The following EIF4E2 variants were observed in gnomAD, a reference collection of about 807,000 sequenced individuals.
EIF4E2 encodes eukaryotic translation initiation factor 4E family member 2.
In EIF4E2, 13 loss-of-function variants were observed where a neutral mutation model predicts 34.2. The ratio of observed to expected loss-of-function variants is 0.38; its 90% CI spans 0.25 to 0.60. EIF4E2 has a LOEUF of 0.60. EIF4E2 is among the 20% of genes least tolerant of loss of function. The pLI is 0.62. For synonymous variants in EIF4E2, 100 were observed against 106.6 expected (o/e 0.94, Z 0.38); for missense variants, 222 against 315.1 (o/e 0.70, Z 2.24).
chr2:232,570,588 CT>C (rs538705950), downstream of EIF4E2, among the ~76,000 whole-genome samples: 1 of 152,198 alleles, frequency 6.6e-6, no homozygotes, highest in Non-Finnish European at 1.5e-5. Context: ...TCTTCTATTC[CT>C]TGTGGCTCTT....
chr2:232,575,767 A>G (rs1693196559), intron 6 of EIF4E2, among the ~76,000 whole-genome samples: 1 of 152,244 alleles, frequency 6.6e-6, no homozygotes, highest in Non-Finnish European at 1.5e-5. Flanking sequence ...TTGAAATAAG[A>G]TATTAAGTTA....
At chr2:232,559,437 G>GAA (rs576075217) in intron 3 of EIF4E2, among the ~76,000 whole-genome samples, 1 of 119,094 alleles carries the variant, frequency 8.4e-6, no homozygotes, top group Non-Finnish European at 1.9e-5. Context: ...GCTTTGGTTT[G>GAA]AAAAAAATAA....
At chr2:232,575,586 C>A (rs12617363) in intron 6 of EIF4E2, among the ~76,000 whole-genome samples, 32,664 of 151,972 alleles carry the variant, frequency 0.21, 4,335 homozygotes, top group East Asian at 0.35. Context: ...TATAGTAAGA[C>A]CCTTGTTTCT....
chr2:232,575,885 T>G (rs2106255884), intron 6 of EIF4E2, among the ~76,000 whole-genome samples: 1 of 152,338 alleles, frequency 6.6e-6, no homozygotes, highest in South Asian at 2.1e-4. Context: ...ATCCTGTTCC[T>G]TCTGTAAGCC....
chr2:232,573,751 A>G, downstream of EIF4E2: 5 of 277,962 alleles, frequency 1.8e-5, no homozygotes, highest in Non-Finnish European at 3.6e-5. Context: ...GAAGGGTTAG[A>G]AGGTCGGAAA....
At chr2:232,561,365 G>A (rs192280530) in intron 3 of EIF4E2, among the ~76,000 whole-genome samples, 22 of 151,976 alleles carry the variant, frequency 1.4e-4, no homozygotes, top group East Asian at 7.7e-4. Context: ...CAAATTGTAC[G>A]AGGAGGGTTT....
At chr2:232,569,229 C>A (rs1693033477), downstream of EIF4E2, 1 of 1,399,576 alleles carries the variant, frequency 7.1e-7, no homozygotes, top group Non-Finnish European at 9.3e-7. Flanking sequence ...CATGCTCTTG[C>A]TCTTTATGGT....
At chr2:232,580,888 C>T (rs1693338547) in intron 6 of EIF4E2, 6 of 1,546,082 alleles carry the variant, frequency 3.9e-6, no homozygotes, top group Non-Finnish European at 5.2e-6. Context: ...TATTTTCTCC[C>T]ATTTTTTTCT....
chr2:232,580,857 T>A, intron 6 of EIF4E2: 6 of 1,497,956 alleles, frequency 4.0e-6, no homozygotes, highest in Non-Finnish European at 5.4e-6. Context: ...TCTGTATAGA[T>A]GATCCTTGTA....
intron 6 of EIF4E2, among the ~76,000 whole-genome samples, chr2:232,576,039 A>C (rs1693208736): frequency 6.6e-6 from 1 of 152,098 alleles, no homozygotes; most frequent in Admixed American, 6.5e-5. Flanking sequence ...CCCCGTCTCT[A>C]CTAAAAATAC....
chr2:232,564,161 T>C, intron 3 of EIF4E2, 86 bp from the exon 4 acceptor site: 1 of 852,010 alleles, frequency 1.2e-6, no homozygotes, highest in Non-Finnish European at 1.9e-6. Context: ...TCCATGCTTA[T>C]GTTCTTAACT....
At chr2:232,551,362 C>T (rs561124750) in intron 1 of EIF4E2, 1 of 454,832 alleles carries the variant, frequency 2.2e-6, no homozygotes, top group Non-Finnish European at 4.6e-6. Flanking sequence ...GTTGCCCTCT[C>T]CTGCCCGCTC....
At chr2:232,550,940 G>A in intron 1 of EIF4E2, 196 bp downstream of exon 1, 1 of 651,030 alleles carries the variant, frequency 1.5e-6, no homozygotes, top group Admixed American at 2.9e-5. Flanking sequence ...GAGACCCCAG[G>A]GCCGTCCGAA....
intron 1 of EIF4E2, among the ~76,000 whole-genome samples, chr2:232,553,082 A>G (rs1437119843): frequency 6.6e-6 from 1 of 152,178 alleles, no homozygotes; most frequent in Non-Finnish European, 1.5e-5. Flanking sequence ...CATATTAAAG[A>G]TTAGCTCTAA....
intron 1 of EIF4E2, 152 bp downstream of exon 1, chr2:232,550,896 A>AG (rs1692284994): frequency 1.2e-6 from 1 of 805,206 alleles, no homozygotes; most frequent in African/African-American, 1.8e-5. Flanking sequence ...GGCGGGGAGG[A>AG]GGGGGCTGGG....
intron 1 of EIF4E2, 68 bp downstream of exon 1, chr2:232,550,812 G>C: frequency 7.0e-7 from 1 of 1,433,138 alleles, no homozygotes; most frequent in South Asian, 1.3e-5. Context: ...CCCCCGCTGG[G>C]GCTGGGGCGG....
chr2:232,572,523 G>C (rs1693115793), downstream of EIF4E2, among the ~76,000 whole-genome samples: 1 of 152,012 alleles, frequency 6.6e-6, no homozygotes, highest in African/African-American at 2.4e-5. Flanking sequence ...CCGCCACCAT[G>C]CTTGGCTAAT....
At position 232,569,143 on chromosome 2, in the gene EIF4E2, T is replaced by A; in HGVS notation, c.*126T>A. 6.7e-7 allele frequency: 1 copy of A among 1,494,574 alleles called. No homozygotes were observed. Among genetic ancestry groups the A allele is most frequent in the Non-Finnish European group, 8.9e-7 (1 of 1,121,704 alleles). 92.6% of individuals were successfully genotyped at this position (1,494,574 alleles called of 1,614,324 possible). A position where few individuals can be genotyped will look rare whatever the true frequency, so the allele number is the denominator to read the frequency against. ...AGGAATTGGAAGAGCATTTTATGTT[T>A]TAAGAACAGGCTGACACGCAGCAGC... On this transcript the variant is annotated 3_prime_UTR_variant, in exon 7 of 7. Transcript: ENST00000258416.
At chr2:232,570,187 G>A (rs1239248294), downstream of EIF4E2, among the ~76,000 whole-genome samples, 1 of 152,044 alleles carries the variant, frequency 6.6e-6, no homozygotes, top group African/African-American at 2.4e-5. Context: ...ACTTACCTCT[G>A]ATCTCCATGT....
Sources: gnomAD v4.1 joint callset for allele counts (sites outside exome capture counted in the v4.1 genomes callset) on GRCh38, gnomAD v4.1.1 for gene constraint, MANE v1.5 for transcripts, NCBI Gene and HGNC (gene_info 2026-07-23, HGNC 2026-07-21) for gene names.